SLC9A9: variants seen among roughly 807,000 people sequenced by gnomAD.
The protein encoded by SLC9A9 is solute carrier family 9 member A9, also known as sodium/hydrogen exchanger 9.
SLC9A9 carries 62 observed loss-of-function variants against 77.8 expected under a neutral mutation model. The observed-to-expected ratio is 0.80, with a 90% CI of 0.65 to 0.98. The LOEUF (loss-of-function observed/expected upper bound fraction) is 0.98, where lower values mean the gene tolerates loss of function less well. Ranked by LOEUF, SLC9A9 falls within the 50% of genes least tolerant of loss-of-function variation. The pLI is 0.00. For synonymous variants in SLC9A9, 320 were observed against 283.5 expected, an observed-to-expected ratio of 1.13 and a Z score of -1.29; for missense variants, 775 against 774.9, an observed-to-expected ratio of 1.00 and a Z score of 0.00.
At chr3:143,837,989 T>C (rs1011371756) in intron 1 of SLC9A9, among the ~76,000 whole-genome samples, 8 of 152,222 alleles carry the variant, frequency 5.3e-5, no homozygotes, top group African/African-American at 1.9e-4. Flanking sequence ...CAGTAGGTGC[T>C]GAATCAAATA....
intron 4 of SLC9A9, among the ~76,000 whole-genome samples, chr3:143,702,489 G>T (rs988123753): frequency 5.3e-5 from 8 of 151,984 alleles, no homozygotes; most frequent in African/African-American, 1.9e-4. Flanking sequence ...AAACAGTGTT[G>T]TTATCAGCTT....
At chr3:143,762,052 G>T (rs931964389) in intron 4 of SLC9A9, among the ~76,000 whole-genome samples, 12 of 152,170 alleles carry the variant, frequency 7.9e-5, no homozygotes, top group African/African-American at 2.9e-4. Flanking sequence ...GGACATGAAT[G>T]AAGCTGGAAA....
chr3:143,590,519 A>T (rs2037628438), intron 6 of SLC9A9, among the ~76,000 whole-genome samples: 1 of 152,216 alleles, frequency 6.6e-6, no homozygotes, highest in South Asian at 2.1e-4. Flanking sequence ...CAAATATTGA[A>T]TTCATCTTTT....
chr3:143,583,840 A>T (rs1160045040), intron 6 of SLC9A9, among the ~76,000 whole-genome samples: 3 of 152,166 alleles, frequency 2.0e-5, no homozygotes, highest in African/African-American at 7.2e-5. Context: ...CAGAACTAAG[A>T]TTTTACCACC....
intron 2 of SLC9A9, among the ~76,000 whole-genome samples, chr3:143,831,793 A>G (rs2009441611): frequency 6.6e-6 from 1 of 151,968 alleles, no homozygotes; most frequent in African/African-American, 2.4e-5. Context: ...AAAAAAGAAA[A>G]CCTTTCTTTC....
chr3:143,718,449 T>C (rs1166464848), intron 4 of SLC9A9, among the ~76,000 whole-genome samples: 1 of 152,176 alleles, frequency 6.6e-6, no homozygotes, highest in Non-Finnish European at 1.5e-5. Context: ...TTTCTGCCTT[T>C]GTTACAGAAT....
chr3:143,659,241 T>C (rs2038943405), intron 5 of SLC9A9, among the ~76,000 whole-genome samples: 1 of 152,008 alleles, frequency 6.6e-6, no homozygotes, highest in Admixed American at 6.6e-5. Context: ...GCAGCAGCCA[T>C]AGTTAGGATG....
At chr3:143,554,205 A>T (rs924580368) in intron 8 of SLC9A9, among the ~76,000 whole-genome samples, 1 of 152,224 alleles carries the variant, frequency 6.6e-6, no homozygotes, top group African/African-American at 2.4e-5. Context: ...GTTACAAAGG[A>T]TAAGGAAGGG....
At chr3:143,491,056 C>T (rs1018152384) in intron 11 of SLC9A9, among the ~76,000 whole-genome samples, 5 of 152,122 alleles carry the variant, frequency 3.3e-5, no homozygotes, top group East Asian at 3.8e-4. Context: ...AAGTGCACCT[C>T]GGCCCAAGAT....
At chr3:143,733,654 G>T (rs1194869918) in intron 4 of SLC9A9, among the ~76,000 whole-genome samples, 2 of 152,034 alleles carry the variant, frequency 1.3e-5, no homozygotes, top group African/African-American at 4.8e-5. Flanking sequence ...TAGAGAGACA[G>T]GCAAGATAGC....
intron 12 of SLC9A9, among the ~76,000 whole-genome samples, chr3:143,401,038 C>G (rs977433767): frequency 6.6e-6 from 1 of 152,122 alleles, no homozygotes; most frequent in Admixed American, 6.5e-5. Context: ...CTACTCTACC[C>G]CCTTTTCTCT....
At chr3:143,437,953 G>A (rs1038259328) in intron 12 of SLC9A9, among the ~76,000 whole-genome samples, 1 of 152,200 alleles carries the variant, frequency 6.6e-6, no homozygotes, top group Non-Finnish European at 1.5e-5. Flanking sequence ...ATAGAGGGGA[G>A]TTGTTAGCTT....
At chr3:143,780,949 C>G (rs1207476826) in intron 4 of SLC9A9, among the ~76,000 whole-genome samples, 1 of 152,048 alleles carries the variant, frequency 6.6e-6, no homozygotes, top group African/African-American at 2.4e-5. Context: ...TTGTTTTAGG[C>G]TTACAGAAAA....
chr3:143,691,211 C>A (rs1933452139), intron 5 of SLC9A9, among the ~76,000 whole-genome samples: 1 of 151,968 alleles, frequency 6.6e-6, no homozygotes, highest in African/African-American at 2.4e-5. Flanking sequence ...CGAAGTGCAC[C>A]ATTACACAAG....
rs149637429 is a variant in SLC9A9 at position 143,602,738 on chromosome 3, C to A, written c.756-24015G>T. On this transcript the variant is annotated intron_variant, in intron 6 of 15. Coordinates refer to ENST00000316549, the MANE Select transcript of SLC9A9 (RefSeq NM_173653.4). ...TATTGGGTAAGTTGCTGAAGCTACC[C>A]GTACAATAGGGATAATGATAGCACT... 5.7e-4 allele frequency among the ~76,000 whole-genome samples: 86 copies of A among 152,190 alleles called. 1 individual carries two copies. In the East Asian group the frequency reaches 0.014, roughly 24 times the overall value.
In SLC9A9 at chr3:143,652,364, G is replaced by T; in HGVS notation, c.650-4C>A. On this transcript the variant is annotated splice_polypyrimidine_tract_variant and splice_region_variant and intron_variant, in intron 5 of 15. Transcript: ENST00000316549. The stretch of plus-strand genomic sequence containing the variant: ...TGGAAAATGGCCAGCACTGTCACTA[G>T]GAAGACACACACAAACATGCAGGTT... 1.2e-6 allele frequency: 2 copies of T among 1,609,816 alleles called. No individual in the cohort carries two copies. Among genetic ancestry groups the T allele is most frequent in the South Asian group, 2.2e-5 (2 of 90,366 alleles).
chr3:143,729,596 A>T (rs1367882450), intron 4 of SLC9A9, among the ~76,000 whole-genome samples: 3 of 152,142 alleles, frequency 2.0e-5, no homozygotes, highest in African/African-American at 2.4e-5. Context: ...AATACATAAC[A>T]AATGAAATCC....
intron 12 of SLC9A9, among the ~76,000 whole-genome samples, chr3:143,427,351 A>G (rs1416006639): frequency 6.6e-6 from 1 of 152,256 alleles, no homozygotes; most frequent in Non-Finnish European, 1.5e-5. Flanking sequence ...TTAAAACCAT[A>G]TAGATATAAA....
intron 6 of SLC9A9, among the ~76,000 whole-genome samples, chr3:143,595,395 A>G (rs1346116648): frequency 6.6e-6 from 1 of 152,226 alleles, no homozygotes; most frequent in Non-Finnish European, 1.5e-5. Flanking sequence ...TACCTTATCC[A>G]GGGAAATGCT....
Sources: allele counts gnomAD v4.1 joint callset (sites outside exome capture counted in the v4.1 genomes callset), GRCh38; gene constraint gnomAD v4.1.1; transcripts MANE v1.5; gene names NCBI Gene and HGNC (gene_info 2026-07-23, HGNC 2026-07-21).